Variants in JAKMIP1 observed in about 807,000 individuals in gnomAD.
JAKMIP1 encodes the protein janus kinase and microtubule interacting protein 1, also known as janus kinase and microtubule-interacting protein 1.
In JAKMIP1, 33 loss-of-function variants were observed where a neutral mutation model predicts 113.0. The ratio of observed to expected loss-of-function variants is 0.29; its 90% CI spans 0.22 to 0.39. The LOEUF (loss-of-function observed/expected upper bound fraction) is 0.39. JAKMIP1 is among the 10% of genes least tolerant of loss of function. The pLI is 1.00. For synonymous variants in JAKMIP1, 480 were observed against 459.9 expected (o/e 1.04, Z -0.56); for missense variants, 813 against 1,080.5 (o/e 0.75, Z 3.47).
intron 1 of JAKMIP1, among the ~76,000 whole-genome samples, chr4:6,134,065 G>C (rs1718895502): frequency 6.6e-6 from 1 of 152,196 alleles, no homozygotes; most frequent in Non-Finnish European, 1.5e-5. Flanking sequence ...CCAGGTCGAG[G>C]GAGATGCCTG....
intron 18 of JAKMIP1, among the ~76,000 whole-genome samples, chr4:6,037,590 C>T (rs1295277354): frequency 6.8e-6 from 1 of 147,812 alleles, no homozygotes; most frequent in Non-Finnish European, 1.5e-5. Context: ...ACCCAGTAGC[C>T]CTCCATCACC....
At chr4:6,119,607 G>T (rs1015751067) in intron 1 of JAKMIP1, among the ~76,000 whole-genome samples, 50 of 152,142 alleles carry the variant, frequency 3.3e-4, no homozygotes, top group African/African-American at 1.1e-3. Flanking sequence ...TCAGCACTTT[G>T]TTTAATGCCG....
rs781554303 is a variant in JAKMIP1 at position 6,155,324 on chromosome 4, T to C, written c.-147-42327A>G. Among the ~76,000 whole-genome samples, 47 of 152,174 alleles carry C rather than the reference T, an allele frequency of 3.1e-4. No individual in the cohort carries two copies. Among genetic ancestry groups the C allele is most frequent in the Admixed American group, 3.9e-4 (6 of 15,268 alleles). ...CTCAACCACCACCACCGCGAATGTT[T>C]ACCCAGCCCTTATCCTGCGTCAGCT... On this transcript the variant is annotated intron_variant, in intron 1 of 20. Coordinates refer to ENST00000409021, the MANE Select transcript of JAKMIP1 (RefSeq NM_001099433.2). The surrounding 1 kb of genome is among the most constrained non-coding windows in gnomAD (Gnocchi z 6.1).
In JAKMIP1 at chr4:6,181,708, C is replaced by T. The variant is rs1560337622; in HGVS notation, c.-148+18545G>A. Among the ~76,000 whole-genome samples the T allele has an allele frequency of 6.6e-6, 1 of 152,170 alleles. No individual in the cohort carries two copies. Among genetic ancestry groups the T allele is most frequent in the Non-Finnish European group, 1.5e-5 (1 of 68,016 alleles). On this transcript the variant is annotated intron_variant, in intron 1 of 20. Transcript: ENST00000409021. This position sits in a 1 kb window ranked among gnomAD's most constrained non-coding sequence, Gnocchi z 5.4. ...GAGCAGCAGCAACGCAAGCTCCATT[C>T]ATTCATTCATTCATTCAACAGCATC... is the stretch of plus-strand genomic sequence containing the variant.
At chr4:6,082,192 C>G (rs1720671066) in intron 5 of JAKMIP1, among the ~76,000 whole-genome samples, 1 of 152,068 alleles carries the variant, frequency 6.6e-6, no homozygotes. Context: ...GCCAAGAATG[C>G]TTTGCACTTT....
At chr4:6,107,339 T>C (rs775377584) in intron 2 of JAKMIP1, among the ~76,000 whole-genome samples, 5 of 152,174 alleles carry the variant, frequency 3.3e-5, no homozygotes, top group Non-Finnish European at 7.4e-5. Flanking sequence ...CTAATCTGCT[T>C]TGATGAGCTG....
At position 6,031,357 on chromosome 4, in the gene JAKMIP1, C is replaced by A. The variant is rs535285006; in HGVS notation, c.2380-1576G>T. Reference sequence around the variant, plus strand: ...GCTTGAACCTGGGAGGTGGAGGTTGCGGTGAGCTGAGATCGCGCCATTGCA... The same window carrying A: ...GCTTGAACCTGGGAGGTGGAGGTTGAGGTGAGCTGAGATCGCGCCATTGCA... On this transcript the variant is annotated intron_variant, in intron 19 of 20. Transcript: ENST00000409021. The surrounding 1 kb of genome is among the most constrained non-coding windows in gnomAD (Gnocchi z 4.4). Among the ~76,000 whole-genome samples, 4 of 152,108 alleles carry A rather than the reference C, an allele frequency of 2.6e-5. No individual in the cohort carries two copies. The South Asian group carries it at 8.3e-4, about 32-fold the overall frequency.
At chr4:6,074,578 G>A (rs1305627793) in intron 8 of JAKMIP1, among the ~76,000 whole-genome samples, 1 of 152,186 alleles carries the variant, frequency 6.6e-6, no homozygotes, top group Non-Finnish European at 1.5e-5. Flanking sequence ...AACCTCCCAC[G>A]AATACTCAAA....
chr4:6,166,129 C>T (rs985676760), intron 1 of JAKMIP1, among the ~76,000 whole-genome samples: 3 of 152,238 alleles, frequency 2.0e-5, no homozygotes, highest in African/African-American at 7.2e-5. Flanking sequence ...AGTTCTCTAT[C>T]ACATCTTCTG....
rs752560124 is a variant in JAKMIP1 at position 6,105,521 on chromosome 4, G to A, written c.576C>T (p.Asp192=). ...DLRAAYQAHQ[D]EVHRIKRECE... The stretch of plus-strand genomic sequence containing the variant: ...ACTCGCGCTTGATGCGGTGCACCTC[G>A]TCTTGGTGCGCCTGGTAGGCGGCAC... Residue 192 remains aspartate (D), a synonymous_variant, in exon 3 of 21, where the codon GAC becomes GAT. Transcript: ENST00000409021. 13 of 1,609,192 alleles carry A rather than the reference G, an allele frequency of 8.1e-6. No individual in the cohort carries two copies. The highest frequency in any genetic ancestry group is 6.7e-5 in the Admixed American group (4 of 59,644).
intron 19 of JAKMIP1, among the ~76,000 whole-genome samples, chr4:6,035,353 T>C (rs1024567855): frequency 2.0e-5 from 3 of 152,000 alleles, no homozygotes; most frequent in African/African-American, 4.8e-5. Context: ...GCCCGACACA[T>C]GGTGAGCGCC....
intron 12 of JAKMIP1, among the ~76,000 whole-genome samples, chr4:6,055,287 A>G (rs1716235647): frequency 6.6e-6 from 1 of 152,316 alleles, no homozygotes. Context: ...AGGGGTCTTT[A>G]TCAGGCTGAT....
intron 19 of JAKMIP1, 32 bp downstream of exon 19, chr4:6,035,872 G>A: frequency 6.6e-7 from 1 of 1,523,904 alleles, no homozygotes; most frequent in Non-Finnish European, 8.8e-7. Flanking sequence ...GGGTGCCGGG[G>A]TGCTGTGGGC....
At chr4:6,161,806 G>C (rs1722998395) in intron 1 of JAKMIP1, among the ~76,000 whole-genome samples, 1 of 152,132 alleles carries the variant, frequency 6.6e-6, no homozygotes, top group Non-Finnish European at 1.5e-5. Context: ...ATTAGATGAG[G>C]TAGAACCCAG....
intron 12 of JAKMIP1, among the ~76,000 whole-genome samples, chr4:6,054,364 C>A (rs1326164835): frequency 6.6e-6 from 1 of 152,158 alleles, no homozygotes; most frequent in Non-Finnish European, 1.5e-5. Context: ...AGAGGCTGGG[C>A]CAGGTTCACC....
intron 3 of JAKMIP1, among the ~76,000 whole-genome samples, chr4:6,104,707 C>T (rs987202492): frequency 5.3e-5 from 8 of 152,194 alleles, no homozygotes; most frequent in African/African-American, 1.9e-4. Context: ...GTGTTTGTGG[C>T]GGGCCCCCTC....
intron 15 of JAKMIP1, 28 bp from the exon 16 acceptor site, chr4:6,048,950 T>C (rs780654326): frequency 4.4e-6 from 7 of 1,588,216 alleles, no homozygotes; most frequent in South Asian, 2.2e-5. Flanking sequence ...GCAAGGGCAT[T>C]TGACACTGGA....
chr4:6,036,788 T>G (rs1359820164), intron 18 of JAKMIP1, among the ~76,000 whole-genome samples: 1 of 152,270 alleles, frequency 6.6e-6, no homozygotes, highest in African/African-American at 2.4e-5. Flanking sequence ...CCTCCTTTTC[T>G]GCCTTCCTAA....
At chr4:6,068,822 G>A (rs1211531296) in intron 8 of JAKMIP1, among the ~76,000 whole-genome samples, 3 of 151,990 alleles carry the variant, frequency 2.0e-5, no homozygotes, top group South Asian at 4.1e-4. Flanking sequence ...CGTCTACCTC[G>A]ACCTCCCAAA....
Sources: allele counts gnomAD v4.1 joint callset (sites outside exome capture counted in the v4.1 genomes callset), GRCh38; gene constraint gnomAD v4.1.1; non-coding constraint Gnocchi (gnomAD v3.1); transcripts MANE v1.5; gene names NCBI Gene and HGNC (gene_info 2026-07-23, HGNC 2026-07-21).